ATF7IP2: variants seen among roughly 807,000 people sequenced by gnomAD.
ATF7IP2 encodes activating transcription factor 7 interacting protein 2.
Under a neutral mutation model 64.2 loss-of-function variants are expected in ATF7IP2, and 42 were observed. The observed-to-expected ratio is 0.65, with a 90% confidence interval of 0.51 to 0.85. ATF7IP2 has a LOEUF of 0.85. ATF7IP2 is among the 40% of genes least tolerant of loss of function. ATF7IP2 has a pLI of 0.00. For synonymous variants in ATF7IP2, 308 were observed against 272.8 expected (o/e 1.13, Z -1.27); for missense variants, 933 against 784.2 (o/e 1.19, Z -2.27).
intron 4 of ATF7IP2, among the ~76,000 whole-genome samples, chr16:10,429,383 C>G (rs992552253): frequency 1.3e-5 from 2 of 152,228 alleles, no homozygotes; most frequent in African/African-American, 4.8e-5. Flanking sequence ...CAGAGTCTCG[C>G]TCTGTCATCC....
chr16:10,436,197 G>C (rs1436279549), intron 6 of ATF7IP2, among the ~76,000 whole-genome samples: 1 of 152,070 alleles, frequency 6.6e-6, no homozygotes, highest in East Asian at 1.9e-4. Context: ...CCCTGTCTCG[G>C]CTAAAAATAT....
chr16:10,419,871 C>A (rs746759865), intron 3 of ATF7IP2, among the ~76,000 whole-genome samples: 10 of 152,238 alleles, frequency 6.6e-5, no homozygotes, highest in Non-Finnish European at 7.3e-5. Flanking sequence ...TTTGTTATTG[C>A]ATCTCTCCAC....
At chr16:10,388,375 C>T (rs1469139867) in intron 1 of ATF7IP2, among the ~76,000 whole-genome samples, 1 of 152,066 alleles carries the variant, frequency 6.6e-6, no homozygotes, top group Non-Finnish European at 1.5e-5. Context: ...TCTGATTAAG[C>T]CATGAAATGT....
chr16:10,395,770 C>T (rs1204387179), intron 1 of ATF7IP2, among the ~76,000 whole-genome samples: 1 of 152,140 alleles, frequency 6.6e-6, no homozygotes, highest in East Asian at 1.9e-4. Flanking sequence ...AAGTTTGGAA[C>T]TTCCTTAACT....
At position 10,386,088 on chromosome 16, in the gene ATF7IP2, T is replaced by C. The variant is rs528133767; in HGVS notation, c.-276T>C. On this transcript the variant is annotated 5_prime_UTR_variant, in exon 1 of 14. Coordinates refer to ENST00000562102, the MANE Select transcript of ATF7IP2 (RefSeq NM_001393719.1). ...TAACGGCTGCGGTTCGAAGTGGCTG[T>C]GGGTATTGCTGCGGCTGGTGCGTCG... 6.5e-6 allele frequency: 1 copy of C among 152,820 alleles called. No homozygotes were observed. The highest frequency in any genetic ancestry group is 2.1e-4 in the South Asian group (1 of 4,822). 9.5% of individuals were successfully genotyped at this position (152,820 alleles called of 1,614,324 possible). A position where few individuals can be genotyped will look rare whatever the true frequency, so the allele number is the denominator to read the frequency against.
intron 3 of ATF7IP2, among the ~76,000 whole-genome samples, chr16:10,423,046 C>G (rs1457291370): frequency 1.3e-5 from 2 of 152,206 alleles, no homozygotes; most frequent in East Asian, 3.9e-4. Flanking sequence ...AGATCAAGAC[C>G]ATCCTGGCTA....
At chr16:10,389,489 T>C (rs987993717) in intron 1 of ATF7IP2, among the ~76,000 whole-genome samples, 1 of 152,112 alleles carries the variant, frequency 6.6e-6, no homozygotes, top group African/African-American at 2.4e-5. Flanking sequence ...GAACTGTGAG[T>C]GCTCCCCGTC....
At chr16:10,432,590 C>T (rs1488532414) in intron 5 of ATF7IP2, among the ~76,000 whole-genome samples, 3 of 152,012 alleles carry the variant, frequency 2.0e-5, no homozygotes, top group South Asian at 2.1e-4. Flanking sequence ...AAAAAGAAGC[C>T]GGGCGCTGTG....
intron 7 of ATF7IP2, among the ~76,000 whole-genome samples, chr16:10,438,577 A>C (rs1199776330): frequency 6.6e-6 from 1 of 151,990 alleles, no homozygotes; most frequent in Non-Finnish European, 1.5e-5. Flanking sequence ...TAAAAAGAAG[A>C]ATTTGGTGAT....
intron 1 of ATF7IP2, among the ~76,000 whole-genome samples, chr16:10,390,973 G>A: frequency 6.6e-6 from 1 of 152,098 alleles, no homozygotes; most frequent in East Asian, 1.9e-4. Flanking sequence ...AGCCAGCCTG[G>A]GCAGCATAAT....
intron 10 of ATF7IP2, 48 bp downstream of exon 10, chr16:10,472,231 A>C: frequency 1.1e-6 from 1 of 939,972 alleles, no homozygotes; most frequent in South Asian, 2.0e-5. Flanking sequence ...AGAAGGCCTT[A>C]AATCAATGTT....
chr16:10,445,107 T>G (rs576594896), intron 8 of ATF7IP2, among the ~76,000 whole-genome samples: 2 of 152,346 alleles, frequency 1.3e-5, no homozygotes, highest in African/African-American at 4.8e-5. Context: ...GTAACTTGTT[T>G]GGCTAGGGTA....
intron 3 of ATF7IP2, among the ~76,000 whole-genome samples, chr16:10,425,425 TA>T (rs199525589): frequency 1.7e-3 from 249 of 146,494 alleles, no homozygotes; most frequent in African/African-American, 4.9e-3. Flanking sequence ...ATTCAGATCT[TA>T]AAAAAAAAAA....
In ATF7IP2 at chr16:10,483,335, A is replaced by G. The variant is rs1390961778; in HGVS notation, c.*1086A>G. The G allele has an allele frequency of 6.6e-6, 1 of 152,108 alleles. No individual in the cohort carries two copies. Among genetic ancestry groups the G allele is most frequent in the Non-Finnish European group, 1.5e-5 (1 of 68,026 alleles). The allele number at this position is 152,108 out of a possible 1,614,324, so 9.4% of individuals were successfully genotyped here. A position where few individuals can be genotyped will look rare whatever the true frequency, so the allele number is the denominator to read the frequency against. On this transcript the variant is annotated 3_prime_UTR_variant, in exon 14 of 14. Coordinates refer to ENST00000562102, the MANE Select transcript of ATF7IP2 (RefSeq NM_001393719.1). The stretch of plus-strand genomic sequence containing the variant: ...CTTTGATCATTTCCTGGCCACCATC[A>G]CAATACTAAGGGGCTCAGATGTGTC...
In ATF7IP2 at chr16:10,482,156, C is replaced by G; in HGVS notation, c.1956C>G (p.Tyr652Ter). The G allele has an allele frequency of 6.2e-7, 1 of 1,612,936 alleles. No individual in the cohort carries two copies. Among genetic ancestry groups the G allele is most frequent in the South Asian group, 1.1e-5 (1 of 91,066 alleles). Residue 652 changes from tyrosine to a stop codon, truncating the protein, a stop_gained, in exon 14 of 14, where the codon TAC becomes TAG. Transcript: ENST00000562102. LOFTEE classifies it high-confidence loss of function. ...TLSQFLASNR[Y>*]YFTVQSKDIF... ...CTCAGTTTTTAGCTTCCAACAGATACTATTTTACTGTCCAATCAAAAGATA... is the reference window on the plus strand; with the variant it reads ...CTCAGTTTTTAGCTTCCAACAGATAGTATTTTACTGTCCAATCAAAAGATA...
intron 1 of ATF7IP2, chr16:10,387,824 T>TCCCCCCCCCC (rs5815573): frequency 6.3e-4 from 82 of 130,654 alleles, no homozygotes; most frequent in South Asian, 1.0e-3. Context: ...TCTATTTTAC[T>TCCCCCCCCCC]CCCCCCCCCT....
intron 1 of ATF7IP2, chr16:10,387,056 A>G (rs2047217323): frequency 6.6e-6 from 1 of 152,224 alleles, no homozygotes; most frequent in African/African-American, 2.4e-5. Context: ...AGTCCACATT[A>G]GAAAAATTAT....
Position 10,391,369 on chromosome 16 carries a change from G to A in ATF7IP2, c.-242+5247G>A, listed in dbSNP as rs1033788245. Among the ~76,000 whole-genome samples, 6 of 150,052 alleles carry A rather than the reference G, an allele frequency of 4.0e-5. No individual in the cohort carries two copies. In the East Asian group the frequency reaches 6.0e-4, roughly 15 times the overall value. On this transcript the variant is annotated intron_variant, in intron 1 of 13. Coordinates refer to ENST00000562102, the MANE Select transcript of ATF7IP2 (RefSeq NM_001393719.1). ...CCAGGAGGCAGAGGTTGCGGTGAGC[G>A]GAGATCTTGCATTGCACTCCAGCCT... is the stretch of plus-strand genomic sequence containing the variant.
chr16:10,443,590 G>A (rs777646584), intron 8 of ATF7IP2, among the ~76,000 whole-genome samples: 2 of 152,220 alleles, frequency 1.3e-5, no homozygotes, highest in Non-Finnish European at 2.9e-5. Context: ...AATTGCTAAA[G>A]TCTGTTTTAA....
Sources: gnomAD v4.1 joint callset for allele counts (sites outside exome capture counted in the v4.1 genomes callset) on GRCh38, gnomAD v4.1.1 for gene constraint, MANE v1.5 for transcripts, NCBI Gene and HGNC (gene_info 2026-07-23, HGNC 2026-07-21) for gene names.